IGFBP4: variants seen among roughly 807,000 people sequenced by gnomAD.
IGFBP4 encodes the protein insulin-like growth factor-binding protein 4.
IGFBP4 carries 9 observed loss-of-function variants against 25.8 expected under a neutral mutation model. That is an observed-to-expected ratio of 0.35 (90% CI 0.21 to 0.61). The LOEUF is 0.61. Ranked by LOEUF, IGFBP4 falls within the 20% of genes least tolerant of loss-of-function variation. The pLI is 0.77. For missense variants in IGFBP4, 315 were observed against 365.3 expected, an observed-to-expected ratio of 0.86 and a Z score of 1.12; for synonymous variants, 153 against 153.9, an observed-to-expected ratio of 0.99 and a Z score of 0.05.
chr17:40,457,453 G>A lies in IGFBP4; in HGVS notation c.*870G>A, dbSNP rs1181599321. 6.6e-6 allele frequency: 1 copy of A among 152,132 alleles called. No individual in the cohort carries two copies. Among genetic ancestry groups the A allele is most frequent in the Non-Finnish European group, 1.5e-5 (1 of 68,086 alleles). 9.4% of individuals were successfully genotyped at this position (152,132 alleles called of 1,614,324 possible). On this transcript the variant is annotated 3_prime_UTR_variant, in exon 4 of 4. Coordinates refer to ENST00000269593, the MANE Select transcript of IGFBP4 (RefSeq NM_001552.3). ...AGAAGACCCACGTGCTAGGGGATGAGGGGCTTCCTGGGTCCTGTTCCCTAC... is the reference window on the plus strand; with the variant it reads ...AGAAGACCCACGTGCTAGGGGATGAAGGGCTTCCTGGGTCCTGTTCCCTAC...
At chr17:40,447,061 G>C (rs1033239745) in intron 1 of IGFBP4, among the ~76,000 whole-genome samples, 4 of 152,238 alleles carry the variant, frequency 2.6e-5, no homozygotes, top group African/African-American at 9.6e-5. Context: ...TAGCTTGGTC[G>C]AGGGTACCTG....
Position 40,454,030 on chromosome 17 carries a change from T to A in IGFBP4, c.610T>A (p.Cys204Ser). The part of the protein sequence containing the change: ...EDLYIIPIPN[C>S]DRNGNFHPKQ... ...CCTCTACATCATCCCCATCCCCAAC[T>A]GCGACCGCAACGGCAACTTCCACCC... Residue 204 changes from cysteine (C) to serine (S), a missense_variant, in exon 3 of 4, where the codon TGC becomes AGC. Transcript: ENST00000269593. 6.2e-7 allele frequency: 1 copy of A among 1,612,602 alleles called. No individual in the cohort carries two copies.
intron 1 of IGFBP4, among the ~76,000 whole-genome samples, chr17:40,449,858 C>G (rs933081494): frequency 2.6e-5 from 4 of 152,124 alleles, no homozygotes; most frequent in Admixed American, 6.5e-5. Flanking sequence ...CTGCTACCAC[C>G]CTAATTCTCC....
intron 1 of IGFBP4, among the ~76,000 whole-genome samples, chr17:40,444,923 A>ACT: frequency 1.6e-5 from 1 of 64,452 alleles, no homozygotes; most frequent in East Asian, 4.7e-4. Context: ...ACACACACAC[A>ACT]CACAGAGACA....
rs2035622389 is a variant in IGFBP4, at chr17:40,443,677, C to A, written c.-59C>A. On this transcript the variant is annotated 5_prime_UTR_variant, in exon 1 of 4. Transcript: ENST00000269593. ...GTGTGCCCTCCGCCGCTCGCCCGCG[C>A]GCCCGCGCTCCCCGCCTGCGCCCAG... 1 of 1,006,592 alleles carries A rather than the reference C, an allele frequency of 9.9e-7. No individual in the cohort carries two copies. Among genetic ancestry groups the A allele is most frequent in the Non-Finnish European group, 1.2e-6 (1 of 809,330 alleles). 62.4% of individuals were successfully genotyped at this position (1,006,592 alleles called of 1,614,324 possible).
rs189602420 is a variant in IGFBP4, at chr17:40,446,716, C to T, written c.349+2632C>T. Among the ~76,000 whole-genome samples, 9 of 152,272 alleles carry T rather than the reference C, an allele frequency of 5.9e-5. No individual in the cohort carries two copies. The East Asian group carries it at 1.5e-3, about 26-fold the overall frequency. ...TGACACAGCCAAGGTCTGTAATGCC[C>T]CTCCCCCTTTCCTCCTTGCCTTGTC... On this transcript the variant is annotated intron_variant, in intron 1 of 3. Coordinates refer to ENST00000269593, the MANE Select transcript of IGFBP4 (RefSeq NM_001552.3).
chr17:40,450,966 T>C (rs2035679330), intron 1 of IGFBP4, among the ~76,000 whole-genome samples: 1 of 151,804 alleles, frequency 6.6e-6, no homozygotes, highest in Non-Finnish European at 1.5e-5. Context: ...CTGGGGCAGC[T>C]TAGGTTTCTT....
intron 1 of IGFBP4, among the ~76,000 whole-genome samples, chr17:40,445,177 G>T (rs1399713828): frequency 1.3e-5 from 2 of 151,994 alleles, no homozygotes; most frequent in African/African-American, 4.8e-5. Flanking sequence ...CCCATCGTGC[G>T]TTTCTTTCTC....
chr17:40,452,097 C>G (rs575119361), intron 1 of IGFBP4, among the ~76,000 whole-genome samples: 23 of 152,148 alleles, frequency 1.5e-4, no homozygotes, highest in Non-Finnish European at 3.2e-4. Flanking sequence ...CTCAGCCTCC[C>G]AAAGTGTTGG....
intron 3 of IGFBP4, among the ~76,000 whole-genome samples, chr17:40,455,771 C>A (rs1204995647): frequency 6.6e-6 from 1 of 152,190 alleles, no homozygotes; most frequent in East Asian, 1.9e-4. Context: ...GCTTGAGCCA[C>A]TAGCTTCTTC....
intron 1 of IGFBP4, among the ~76,000 whole-genome samples, chr17:40,447,809 A>G (rs1250476867): frequency 6.6e-6 from 1 of 152,050 alleles, no homozygotes; most frequent in African/African-American, 2.4e-5. Context: ...AGCTCAATAA[A>G]TTGAAGTGAT....
In IGFBP4 at chr17:40,453,423, T is replaced by C. The variant is rs1021848343; in HGVS notation, c.507+281T>C. Among the ~76,000 whole-genome samples the C allele has an allele frequency of 1.2e-4, 18 of 152,118 alleles. No individual in the cohort carries two copies. Among genetic ancestry groups the C allele is most frequent in the Non-Finnish European group, 2.5e-4 (17 of 68,014 alleles). Reference sequence around the variant, plus strand: ...ATTATTAAATACTGAAAAACTTCTATACCAATTGGTAAAAAGCAGTTACCC... The same window carrying C: ...ATTATTAAATACTGAAAAACTTCTACACCAATTGGTAAAAAGCAGTTACCC... On this transcript the variant is annotated intron_variant, in intron 2 of 3. Transcript: ENST00000269593. The surrounding 1 kb of genome is among the most constrained non-coding windows in gnomAD (Gnocchi z 4.0).
At chr17:40,444,611 A>T (rs929487326) in intron 1 of IGFBP4, among the ~76,000 whole-genome samples, 3 of 151,996 alleles carry the variant, frequency 2.0e-5, no homozygotes, top group Non-Finnish European at 4.4e-5. Flanking sequence ...GAGGGGCATT[A>T]GACTTGCCCT....
intron 1 of IGFBP4, among the ~76,000 whole-genome samples, chr17:40,451,089 G>A (rs10305297): frequency 0.034 from 5,151 of 152,208 alleles, 96 homozygotes; most frequent in African/African-American, 0.055. Context: ...CCTTGGCACA[G>A]TCCTCGTCTT....
intron 1 of IGFBP4, among the ~76,000 whole-genome samples, chr17:40,450,989 T>A (rs901810112): frequency 3.3e-5 from 5 of 152,144 alleles, no homozygotes; most frequent in African/African-American, 1.2e-4. Flanking sequence ...GCTGGAGGAA[T>A]TCCTTGGGAG....
chr17:40,453,597 G>A lies in IGFBP4; in HGVS notation c.508-331G>A, dbSNP rs2035698368. On this transcript the variant is annotated intron_variant, in intron 2 of 3. Transcript: ENST00000269593. The surrounding 1 kb of genome is among the most constrained non-coding windows in gnomAD (Gnocchi z 4.0). The stretch of plus-strand genomic sequence containing the variant: ...CTTCTGAAGGTCTTACAAGTTGTCA[G>A]TTGGAAGTTTTATCTGTCCCTTCTG... 2.0e-5 allele frequency among the ~76,000 whole-genome samples: 3 copies of A among 152,112 alleles called. No homozygotes were observed. In the South Asian group the frequency reaches 6.2e-4, roughly 32 times the overall value.
chr17:40,452,894 C>T (rs2035692917), intron 1 of IGFBP4, 91 bp from the exon 2 acceptor site: 2 of 1,119,616 alleles, frequency 1.8e-6, no homozygotes, highest in Non-Finnish European at 2.4e-6. Flanking sequence ...CGAAGAATCC[C>T]CAGGAAGGAG....
At chr17:40,444,635 G>C (rs928441944) in intron 1 of IGFBP4, among the ~76,000 whole-genome samples, 2 of 152,068 alleles carry the variant, frequency 1.3e-5, no homozygotes, top group African/African-American at 2.4e-5. Context: ...CCAAAGCCCA[G>C]AGCCAGGTCA....
At chr17:40,450,393 C>T (rs1163032347) in intron 1 of IGFBP4, among the ~76,000 whole-genome samples, 2 of 152,200 alleles carry the variant, frequency 1.3e-5, no homozygotes, top group Non-Finnish European at 2.9e-5. Context: ...TGTTAGTGTC[C>T]TGGGCTGTGG....
Sources: gnomAD v4.1 joint callset for allele counts (sites outside exome capture counted in the v4.1 genomes callset) on GRCh38, gnomAD v4.1.1 for gene constraint, Gnocchi (gnomAD v3.1) non-coding constraint, MANE v1.5 for transcripts, NCBI Gene and HGNC (gene_info 2026-07-23, HGNC 2026-07-21) for gene names.